Variants in PSD3 observed in about 807,000 individuals in gnomAD.
The protein encoded by PSD3 is PH and SEC7 domain-containing protein 3.
A neutral mutation model predicts 105.5 loss-of-function variants in PSD3; 49 were observed. The observed-to-expected ratio is 0.46, with a 90% confidence interval of 0.37 to 0.59. The LOEUF is 0.59. PSD3 is among the 20% of genes least tolerant of loss of function. The pLI is 0.00. For missense variants in PSD3, 1,561 were observed against 1,263.8 expected, an observed-to-expected ratio of 1.24 and a Z score of -3.57; for synonymous variants, 557 against 457.8, an observed-to-expected ratio of 1.22 and a Z score of -2.77.
At chr8:18,624,094 C>A (rs1215713884) in intron 11 of PSD3, among the ~76,000 whole-genome samples, 1 of 152,154 alleles carries the variant, frequency 6.6e-6, no homozygotes, top group Non-Finnish European at 1.5e-5. Context: ...AACATGACTT[C>A]TGTAACACTA....
intron 11 of PSD3, among the ~76,000 whole-genome samples, chr8:18,631,670 T>TA (rs1375300353): frequency 6.6e-6 from 1 of 151,884 alleles, no homozygotes; most frequent in Non-Finnish European, 1.5e-5. Context: ...AGTAGTCTAG[T>TA]AATCTAGTAT....
At chr8:18,595,355 G>C (rs767483920) in intron 12 of PSD3, among the ~76,000 whole-genome samples, 1 of 150,110 alleles carries the variant, frequency 6.7e-6, no homozygotes, top group Admixed American at 6.7e-5. Flanking sequence ...TAGCAAAATA[G>C]CAAGAGTGTT....
At chr8:18,830,102 G>T (rs7004738) in intron 4 of PSD3, among the ~76,000 whole-genome samples, 19,005 of 152,008 alleles carry the variant, frequency 0.13, 1,522 homozygotes, top group Admixed American at 0.26. Flanking sequence ...CGAGTAGCTG[G>T]GACTACAGGC....
chr8:18,611,880 T>C (rs1247901583), intron 11 of PSD3, among the ~76,000 whole-genome samples: 3 of 152,190 alleles, frequency 2.0e-5, no homozygotes, highest in Non-Finnish European at 4.4e-5. Context: ...TTTTGTAAAA[T>C]GTTGCAAATG....
Position 18,856,811 on chromosome 8 carries a change from T to C in PSD3, c.1634+10863A>G, listed in dbSNP as rs79750350. Among the ~76,000 whole-genome samples the C allele has an allele frequency of 3.9e-3, 593 of 152,292 alleles. 7 individuals carry two copies. The highest frequency in any genetic ancestry group is 0.013 in the African/African-American group (561 of 41,556). Reference sequence around the variant, plus strand: ...CACAGTCCATTCATACTGGGTGACTTTGAAGAGGTTTTAAAGACATTTCAA... The same window carrying C: ...CACAGTCCATTCATACTGGGTGACTCTGAAGAGGTTTTAAAGACATTTCAA... On this transcript the variant is annotated intron_variant, in intron 4 of 15. Transcript: ENST00000327040.
At chr8:18,601,055 G>T (rs893939114) in intron 11 of PSD3, among the ~76,000 whole-genome samples, 4 of 152,138 alleles carry the variant, frequency 2.6e-5, no homozygotes, top group African/African-American at 9.7e-5. Context: ...TGACTTGACA[G>T]GAGGTATCCT....
intron 9 of PSD3, among the ~76,000 whole-genome samples, chr8:18,660,820 T>A (rs998663779): frequency 9.9e-5 from 15 of 152,206 alleles, no homozygotes; most frequent in African/African-American, 3.4e-4. Context: ...CAGATCACAA[T>A]CACATACCTC....
At chr8:18,802,553 C>T (rs1263808923) in intron 6 of PSD3, among the ~76,000 whole-genome samples, 4 of 152,080 alleles carry the variant, frequency 2.6e-5, no homozygotes, top group Non-Finnish European at 5.9e-5. Flanking sequence ...GAATGCAAGG[C>T]AAAAATACAG....
intron 9 of PSD3, among the ~76,000 whole-genome samples, chr8:18,704,552 G>A (rs373308969): frequency 1.8e-4 from 27 of 152,266 alleles, no homozygotes; most frequent in African/African-American, 6.3e-4. Context: ...TGGCCAGGCT[G>A]GCTGGTCTTG....
chr8:18,891,410 T>C (rs544665726), intron 2 of PSD3, among the ~76,000 whole-genome samples: 25 of 152,364 alleles, frequency 1.6e-4, no homozygotes, highest in African/African-American at 5.8e-4. Context: ...TAATTTGTCA[T>C]AAGGATCTTT....
intron 1 of PSD3, among the ~76,000 whole-genome samples, chr8:18,979,230 T>G (rs1205508563): frequency 1.3e-5 from 2 of 152,104 alleles, no homozygotes; most frequent in African/African-American, 2.4e-5. Flanking sequence ...TTCCAAAATG[T>G]CTGTTGCCAA....
intron 4 of PSD3, among the ~76,000 whole-genome samples, chr8:18,848,624 G>A (rs560294149): frequency 6.6e-6 from 1 of 152,328 alleles, no homozygotes; most frequent in South Asian, 2.1e-4. Flanking sequence ...ATGTAGGGGT[G>A]CTTCTAGAAA....
At chr8:19,015,933 C>T (rs191367554), upstream of PSD3, among the ~76,000 whole-genome samples, 34 of 152,114 alleles carry the variant, frequency 2.2e-4, no homozygotes, top group African/African-American at 7.0e-4. Flanking sequence ...CTGATCACAT[C>T]TATTAAATAA....
At chr8:18,649,741 G>C (rs1052302287) in intron 10 of PSD3, among the ~76,000 whole-genome samples, 1 of 152,236 alleles carries the variant, frequency 6.6e-6, no homozygotes, top group African/African-American at 2.4e-5. Flanking sequence ...CTGGCGGTAA[G>C]TGATTGGATC....
intron 2 of PSD3, among the ~76,000 whole-genome samples, chr8:18,932,884 C>G (rs1821834406): frequency 1.3e-5 from 2 of 152,194 alleles, no homozygotes; most frequent in African/African-American, 4.8e-5. Context: ...ATTCAGAATT[C>G]TAGTCATCCT....
At chr8:18,731,542 G>C (rs80080527) in intron 9 of PSD3, among the ~76,000 whole-genome samples, 3,324 of 152,218 alleles carry the variant, frequency 0.022, 133 homozygotes, top group African/African-American at 0.077. Context: ...CTTGAGGAAA[G>C]GAATTGCTAG....
intron 1 of PSD3, among the ~76,000 whole-genome samples, chr8:18,978,086 C>A (rs1383254080): frequency 6.6e-6 from 1 of 152,202 alleles, no homozygotes; most frequent in African/African-American, 2.4e-5. Context: ...CAGGCTCCCA[C>A]CTGACTTTAG....
intron 2 of PSD3, among the ~76,000 whole-genome samples, chr8:18,929,602 G>C (rs113407318): frequency 2.6e-5 from 4 of 152,062 alleles, no homozygotes; most frequent in African/African-American, 4.8e-5. Context: ...TATATGAAGG[G>C]AAGAGGCCTG....
intron 9 of PSD3, among the ~76,000 whole-genome samples, chr8:18,740,149 A>G (rs1804450547): frequency 6.6e-6 from 1 of 152,034 alleles, no homozygotes; most frequent in Admixed American, 6.6e-5. Flanking sequence ...TTCCCCTAGC[A>G]CGGCGTTGCT....
Sources: gnomAD v4.1 joint callset for allele counts (sites outside exome capture counted in the v4.1 genomes callset) on GRCh38, gnomAD v4.1.1 for gene constraint, MANE v1.5 for transcripts, NCBI Gene and HGNC (gene_info 2026-07-23, HGNC 2026-07-21) for gene names.